Variants in GRM5 observed in about 807,000 individuals in gnomAD.
GRM5 encodes the protein glutamate metabotropic receptor 5.
In GRM5, 19 loss-of-function variants were observed where a neutral mutation model predicts 83.1. That is an observed-to-expected ratio of 0.23 (90% CI 0.16 to 0.34). The LOEUF (loss-of-function observed/expected upper bound fraction) is 0.34. GRM5 is among the 10% of genes least tolerant of loss of function. GRM5 has a pLI of 1.00. For missense variants in GRM5, 1,160 were observed against 1,588.3 expected (o/e 0.73, Z 4.58); for synonymous variants, 675 against 633.6 (o/e 1.07, Z -0.98).
intron 9 of GRM5, chr11:88,511,940 A>G (rs966906957): frequency 1.3e-5 from 2 of 152,264 alleles, no homozygotes; most frequent in Admixed American, 1.3e-4. Flanking sequence ...ACTTGAAATC[A>G]GGAGACTAAT....
intron 4 of GRM5, among the ~76,000 whole-genome samples, chr11:88,625,993 A>G (rs138977075): frequency 3.3e-4 from 50 of 151,424 alleles, no homozygotes; most frequent in African/African-American, 1.2e-3. Flanking sequence ...AATGTCACAC[A>G]TATAGAGCAG....
intron 3 of GRM5, among the ~76,000 whole-genome samples, chr11:88,701,056 G>A (rs1941021357): frequency 6.6e-6 from 1 of 152,048 alleles, no homozygotes. Flanking sequence ...GGATTCTGTG[G>A]CTCCAGAGGT....
chr11:88,935,352 T>TGC (rs1258586063), intron 2 of GRM5, among the ~76,000 whole-genome samples: 1 of 151,580 alleles, frequency 6.6e-6, no homozygotes, highest in African/African-American at 2.4e-5. Flanking sequence ...TGTGTGTATG[T>TGC]GTGTGTGTGT....
chr11:88,881,160 T>C lies in GRM5; in HGVS notation c.662-31005A>G, dbSNP rs193192324. Among the ~76,000 whole-genome samples, 796 of 152,088 alleles carry C rather than the reference T, an allele frequency of 5.2e-3. 7 individuals are homozygous for C. Among genetic ancestry groups the C allele is most frequent in the Non-Finnish European group, 6.4e-3 (433 of 67,954 alleles). On this transcript the variant is annotated intron_variant, in intron 2 of 9. Transcript: ENST00000305447. ...AAGCTTCAAATTTAAAAAAAAAATA[T>C]TATTAAAAATAAGACTGTGTTAACT...
chr11:88,697,616 G>A (rs1366600887), intron 3 of GRM5, among the ~76,000 whole-genome samples: 2 of 152,212 alleles, frequency 1.3e-5, no homozygotes, highest in African/African-American at 4.8e-5. Flanking sequence ...AATGCCATGT[G>A]ATATGAAACT....
At chr11:88,761,023 C>T (rs1942502966) in intron 3 of GRM5, among the ~76,000 whole-genome samples, 1 of 151,898 alleles carries the variant, frequency 6.6e-6, no homozygotes, top group Non-Finnish European at 1.5e-5. Context: ...GTTAAAAAAC[C>T]CTTAATAAAC....
At chr11:88,737,043 TTAGGAAGAAGGAGGTCACTA>T (rs1296583307) in intron 3 of GRM5, among the ~76,000 whole-genome samples, 2 of 151,956 alleles carry the variant, frequency 1.3e-5, no homozygotes, top group Non-Finnish European at 2.9e-5. Flanking sequence ...GAATCTAGGA[TTAGGAAGAAGGAGGTCACTA>T]GAGGAAGAAG....
intron 2 of GRM5, among the ~76,000 whole-genome samples, chr11:88,901,755 C>A (rs1255009073): frequency 2.0e-4 from 30 of 152,190 alleles, no homozygotes; most frequent in Admixed American, 2.0e-3. Flanking sequence ...CAACAGAAGT[C>A]TTCCCATAGC....
At chr11:88,668,618 C>G (rs779300908) in intron 3 of GRM5, among the ~76,000 whole-genome samples, 1 of 151,840 alleles carries the variant, frequency 6.6e-6, no homozygotes, top group Admixed American at 6.6e-5. Flanking sequence ...TTTGGTATAC[C>G]CCAGGAATGA....
intron 3 of GRM5, among the ~76,000 whole-genome samples, chr11:88,772,670 AT>A (rs1364584770): frequency 6.6e-6 from 1 of 152,110 alleles, no homozygotes; most frequent in African/African-American, 2.4e-5. Context: ...TCACTGTTCA[AT>A]TCCCACCTAT....
At chr11:88,982,610 C>T (rs1159579682) in intron 2 of GRM5, among the ~76,000 whole-genome samples, 3 of 152,122 alleles carry the variant, frequency 2.0e-5, no homozygotes, top group African/African-American at 4.8e-5. Flanking sequence ...CACCTGTACA[C>T]ACAATTTATC....
Position 88,506,683 on chromosome 11 carries a change from T to C in GRM5, c.*1909A>G, listed in dbSNP as rs1309209132. On this transcript the variant is annotated 3_prime_UTR_variant, in exon 10 of 10. Coordinates refer to ENST00000305447, the MANE Select transcript of GRM5 (RefSeq NM_001143831.3). ...TAATGTTAGCTTTTAATGTTTTGTA[T>C]TGGGAGGTTTGACTTAAAGTTGCAA... 1 of 152,156 alleles carries C rather than the reference T, an allele frequency of 6.6e-6. No individual in the cohort carries two copies. Among genetic ancestry groups the C allele is most frequent in the African/African-American group, 2.4e-5 (1 of 41,436 alleles). The allele number at this position is 152,156 out of a possible 1,614,324, so 9.4% of individuals were successfully genotyped here.
chr11:88,621,117 A>C (rs1938622175), intron 4 of GRM5, among the ~76,000 whole-genome samples: 1 of 152,164 alleles, frequency 6.6e-6, no homozygotes, highest in Admixed American at 6.6e-5. Flanking sequence ...AAAGAATTCC[A>C]CAGGGACATG....
intron 2 of GRM5, among the ~76,000 whole-genome samples, chr11:88,921,940 T>C (rs1368326960): frequency 6.6e-6 from 1 of 150,774 alleles, no homozygotes; most frequent in East Asian, 1.9e-4. Context: ...TATTTCTATA[T>C]GCCAACAGTG....
At chr11:88,529,372 G>A (rs1941955427) in intron 8 of GRM5, among the ~76,000 whole-genome samples, 1 of 151,238 alleles carries the variant, frequency 6.6e-6, no homozygotes, top group Admixed American at 6.6e-5. Context: ...ACACTTTAGT[G>A]AGATATGATA....
intron 4 of GRM5, among the ~76,000 whole-genome samples, chr11:88,609,518 C>A (rs1038171041): frequency 6.6e-6 from 1 of 152,244 alleles, no homozygotes; most frequent in Non-Finnish European, 1.5e-5. Flanking sequence ...GTGCTTTTCT[C>A]TTGGGTATAC....
At position 88,597,606 on chromosome 11, in the gene GRM5, A is replaced by G. The variant is rs546971404; in HGVS notation, c.1395-254T>C. On this transcript the variant is annotated intron_variant, in intron 5 of 9. Transcript: ENST00000305447. ...GAGAAGGTGACTTGACCCCAGCAGG[A>G]TGAAAGACAGTTTCGAAATAACTTC... Among the ~76,000 whole-genome samples the G allele has an allele frequency of 1.6e-4, 25 of 152,248 alleles. 1 individual carries two copies. The South Asian group carries it at 5.2e-3, about 31-fold the overall frequency.
intron 2 of GRM5, among the ~76,000 whole-genome samples, chr11:88,910,152 A>T (rs1329792962): frequency 6.6e-6 from 1 of 152,050 alleles, no homozygotes; most frequent in Admixed American, 6.6e-5. Context: ...GATATTTCAT[A>T]TAATTGAAAT....
intron 2 of GRM5, among the ~76,000 whole-genome samples, chr11:88,995,083 T>C (rs1940135695): frequency 6.6e-6 from 1 of 152,164 alleles, no homozygotes; most frequent in Non-Finnish European, 1.5e-5. Flanking sequence ...TGAGCCTGGT[T>C]AGAAAAATTC....
Sources: allele counts gnomAD v4.1 joint callset (sites outside exome capture counted in the v4.1 genomes callset), GRCh38; gene constraint gnomAD v4.1.1; transcripts MANE v1.5; gene names NCBI Gene and HGNC (gene_info 2026-07-23, HGNC 2026-07-21).